HCK: variants seen among roughly 807,000 people sequenced by gnomAD.
HCK encodes the protein HCK proto-oncogene, Src family tyrosine kinase.
In HCK, 40 loss-of-function variants were observed where a neutral mutation model predicts 70.4. The ratio of observed to expected loss-of-function variants is 0.57; its 90% CI spans 0.44 to 0.74. HCK has a LOEUF of 0.74. Ranked by LOEUF, HCK falls within the 30% of genes least tolerant of loss-of-function variation. The pLI is 0.00. For missense variants in HCK, 568 were observed against 697.2 expected (o/e 0.81, Z 2.09); for synonymous variants, 245 against 263.2 (o/e 0.93, Z 0.67).
intron 5 of HCK, among the ~76,000 whole-genome samples, chr20:32,075,025 A>C (rs1464178638): frequency 6.6e-6 from 1 of 152,218 alleles, no homozygotes; most frequent in Non-Finnish European, 1.5e-5. Context: ...CCTGCCCTGC[A>C]AGGAAGAGAG....
chr20:32,072,551 A>ATTCCATCTCAAACAACAG (rs2045557194), intron 2 of HCK: 1 of 114,930 alleles, frequency 8.7e-6, no homozygotes, highest in African/African-American at 3.8e-5. Flanking sequence ...ATACAGGGAG[A>ATTCCATCTCAAACAACAG]CCCTGTCTCT....
chr20:32,094,751 A>AAGAAAGAAAGAAAGAGAGAG (rs1555877786), intron 11 of HCK, among the ~76,000 whole-genome samples: 14 of 87,956 alleles, frequency 1.6e-4, no homozygotes, highest in African/African-American at 6.7e-4. Context: ...GAAAGAAAGA[A>AAGAAAGAAAGAAAGAGAGAG]AGAAAGAAAG....
intron 1 of HCK, among the ~76,000 whole-genome samples, chr20:32,067,453 G>T (rs2045474891): frequency 6.6e-6 from 1 of 151,074 alleles, no homozygotes; most frequent in South Asian, 2.1e-4. Context: ...TTCTTAGTAT[G>T]TGGCTTCGGA....
chr20:32,056,103 G>C (rs1470601930), intron 1 of HCK, among the ~76,000 whole-genome samples: 2 of 152,146 alleles, frequency 1.3e-5, no homozygotes, highest in African/African-American at 4.8e-5. Flanking sequence ...TCCACATTTT[G>C]ACCATTGAAA....
intron 1 of HCK, chr20:32,054,397 C>T: frequency 4.7e-6 from 2 of 421,990 alleles, no homozygotes; most frequent in South Asian, 1.6e-5. Flanking sequence ...ATCGCTTGAA[C>T]CCGGGGAAGC....
rs541906170 is a variant in HCK at position 32,099,107 on chromosome 20, C to T, written c.1350C>T (p.Ile450=). 8.7e-6 allele frequency: 14 copies of T among 1,614,108 alleles called. No homozygotes were observed. The East Asian group carries it at 1.1e-4, about 13-fold the overall frequency. The change falls in exon 12 of 13, where the codon ATC becomes ATT. Residue 450 remains isoleucine (I), a synonymous_variant. Transcript: ENST00000375852. ...CCTTTGGTATCCTGCTGATGGAGAT[C>T]GTCACCTACGGCCGGATCCCTTACC...
In HCK at chr20:32,059,360, C is replaced by T. The variant is rs113037125; in HGVS notation, c.62+6874C>T. Reference sequence around the variant, plus strand: ...CTTCTTTCCTTCCCCCCTTCTCCTCCTCCTCTTCCTCCTCCTCCACTTTCT... The same window carrying T: ...CTTCTTTCCTTCCCCCCTTCTCCTCTTCCTCTTCCTCCTCCTCCACTTTCT... On this transcript the variant is annotated intron_variant, in intron 1 of 12. Coordinates refer to ENST00000375852, the MANE Select transcript of HCK (RefSeq NM_002110.5). 5.3e-4 allele frequency among the ~76,000 whole-genome samples: 79 copies of T among 148,318 alleles called. 1 individual carries two copies. Among genetic ancestry groups the T allele is most frequent in the African/African-American group, 1.8e-3 (71 of 40,312 alleles).
At chr20:32,057,132 A>C (rs1406895554) in intron 1 of HCK, among the ~76,000 whole-genome samples, 1 of 152,246 alleles carries the variant, frequency 6.6e-6, no homozygotes, top group Non-Finnish European at 1.5e-5. Flanking sequence ...AGTGCTCTTC[A>C]GACAACCTCA....
intron 7 of HCK, 78 bp downstream of exon 7, chr20:32,084,121 G>C: frequency 6.8e-7 from 1 of 1,471,124 alleles, no homozygotes; most frequent in Admixed American, 1.9e-5. Flanking sequence ...TGTGGCCCCT[G>C]AGACCTGCTG....
At chr20:32,071,631 C>T in intron 1 of HCK, 31 bp from the exon 2 acceptor site, 1 of 1,608,904 alleles carries the variant, frequency 6.2e-7, no homozygotes, top group African/African-American at 1.3e-5. Flanking sequence ...CTCTTGGTAA[C>T]TGGGGCTCAC....
At chr20:32,088,687 G>C in intron 10 of HCK, 43 bp downstream of exon 10, 3 of 1,511,250 alleles carry the variant, frequency 2.0e-6, no homozygotes, top group Non-Finnish European at 2.8e-6. Context: ...ACAGGAATTC[G>C]ATTTTTTTAC....
chr20:32,071,881 T>C (rs1456352162), intron 2 of HCK, 99 bp downstream of exon 2: 2 of 1,468,100 alleles, frequency 1.4e-6, no homozygotes, highest in Non-Finnish European at 1.8e-6. Context: ...CAGGGTGAGC[T>C]TGGGGTGAAA....
chr20:32,074,281 C>A (rs1244342776), intron 4 of HCK, among the ~76,000 whole-genome samples: 1 of 152,154 alleles, frequency 6.6e-6, no homozygotes, highest in East Asian at 1.9e-4. Context: ...TATTCTCAGC[C>A]CCAGCTGAAC....
chr20:32,090,477 C>T (rs1402946017), intron 10 of HCK, among the ~76,000 whole-genome samples: 1 of 152,180 alleles, frequency 6.6e-6, no homozygotes, highest in Non-Finnish European at 1.5e-5. Flanking sequence ...TCAGTAGCTG[C>T]ATATATACAA....
At chr20:32,060,814 AG>A (rs2045358295) in intron 1 of HCK, among the ~76,000 whole-genome samples, 1 of 152,130 alleles carries the variant, frequency 6.6e-6, no homozygotes, top group African/African-American at 2.4e-5. Flanking sequence ...TGGCTATGAG[AG>A]AAAATGGGAA....
intron 12 of HCK, 100 bp downstream of exon 12, chr20:32,099,235 C>A: frequency 1.6e-6 from 2 of 1,260,298 alleles, no homozygotes; most frequent in Non-Finnish European, 2.2e-6. Flanking sequence ...TTGATCCTCA[C>A]CCCCAACCTT....
chr20:32,052,886 G>A (rs189152516), intron 1 of HCK, among the ~76,000 whole-genome samples: 6 of 152,026 alleles, frequency 3.9e-5, no homozygotes, highest in African/African-American at 1.4e-4. Flanking sequence ...TTCCCGGTGG[G>A]GGCCGGGTCA....
At chr20:32,078,838 C>T (rs1355466691) in intron 5 of HCK, among the ~76,000 whole-genome samples, 1 of 109,646 alleles carries the variant, frequency 9.1e-6, no homozygotes, top group Non-Finnish European at 1.7e-5. Flanking sequence ...GCCTGGGTGA[C>T]AGAGCAAGAC....
At position 32,099,001 on chromosome 20, in the gene HCK, C is replaced by T. The variant is rs771555859; in HGVS notation, c.1247-3C>T. ...CCCGACTCTGCTCTGTTCAACCCTG[C>T]AGGGGCCAAGTTCCCCATCAAGTGG... On this transcript the variant is annotated splice_region_variant and splice_polypyrimidine_tract_variant and intron_variant, in intron 11 of 12. Transcript: ENST00000375852. 6.2e-7 allele frequency: 1 copy of T among 1,614,004 alleles called. No homozygotes were observed. Among genetic ancestry groups the T allele is most frequent in the Non-Finnish European group, 8.5e-7 (1 of 1,179,890 alleles).
Sources: allele counts gnomAD v4.1 joint callset (sites outside exome capture counted in the v4.1 genomes callset), GRCh38; gene constraint gnomAD v4.1.1; transcripts MANE v1.5; gene names NCBI Gene and HGNC (gene_info 2026-07-23, HGNC 2026-07-21).